MARCHF1: variants seen among roughly 807,000 people sequenced by gnomAD.
MARCHF1 encodes the protein E3 ubiquitin-protein ligase MARCHF1.
A neutral mutation model predicts 54.2 loss-of-function variants in MARCHF1; 40 were observed. The observed-to-expected ratio is 0.74, with a 90% CI of 0.57 to 0.96. The LOEUF is 0.96. Ranked by LOEUF, MARCHF1 falls within the 40% of genes least tolerant of loss-of-function variation. MARCHF1 has a pLI of 0.00. For missense variants in MARCHF1, 586 were observed against 656.5 expected (o/e 0.89, Z 1.17); for synonymous variants, 236 against 236.3 (o/e 1.00, Z 0.01).
chr4:163,639,231 ATTTC>A (rs1373453514), intron 5 of MARCHF1, among the ~76,000 whole-genome samples: 1 of 152,142 alleles, frequency 6.6e-6, no homozygotes, highest in African/African-American at 2.4e-5. Flanking sequence ...GATGAGATTT[ATTTC>A]TTTGAGTACA....
chr4:163,876,152 A>T (rs188162831), intron 3 of MARCHF1, among the ~76,000 whole-genome samples: 1 of 152,308 alleles, frequency 6.6e-6, no homozygotes, highest in East Asian at 1.9e-4. Flanking sequence ...TTTAAAATGT[A>T]GCCTTAACCG....
intron 2 of MARCHF1, among the ~76,000 whole-genome samples, chr4:164,070,745 G>A (rs146737735): frequency 0.012 from 1,873 of 152,244 alleles, 37 homozygotes; most frequent in African/African-American, 0.043. Flanking sequence ...GCAGAGTTAC[G>A]CAGTCTATTT....
At chr4:163,683,190 AAG>A (rs1418813215) in intron 5 of MARCHF1, among the ~76,000 whole-genome samples, 2 of 152,222 alleles carry the variant, frequency 1.3e-5, no homozygotes, top group Admixed American at 1.3e-4. Context: ...TTGCAAAAGA[AAG>A]AGGTTTAATG....
chr4:164,183,008 C>T (rs1730874340), intron 1 of MARCHF1, among the ~76,000 whole-genome samples: 1 of 152,002 alleles, frequency 6.6e-6, no homozygotes, highest in Admixed American at 6.6e-5. Context: ...AGACTATTAC[C>T]AATTTAGCCT....
intron 1 of MARCHF1, among the ~76,000 whole-genome samples, chr4:164,122,863 A>G (rs1360098502): frequency 6.6e-6 from 1 of 152,104 alleles, no homozygotes; most frequent in Non-Finnish European, 1.5e-5. Flanking sequence ...TTCCTCTAAC[A>G]TCTGGAACAC....
chr4:164,340,409 A>ATG lies in MARCHF1; in HGVS notation c.-323+43460_-323+43461insCA, dbSNP rs1177706594. Among the ~76,000 whole-genome samples the ATG allele has an allele frequency of 2.6e-5, 3 of 117,422 alleles. 1 individual carries two copies. Among genetic ancestry groups the ATG allele is most frequent in the Non-Finnish European group, 5.4e-5 (3 of 55,874 alleles). The allele number at this position is 117,422 out of a possible 152,430, so 77.0% of individuals were successfully genotyped here. A position where few individuals can be genotyped will look rare whatever the true frequency, so the allele number is the denominator to read the frequency against. ...CACATGCCACCAGGCCTTGATTTAT[A>ATG]TATAGATATATATATATATATATAT... On this transcript the variant is annotated intron_variant, in intron 1 of 9. Coordinates refer to ENST00000514618, the MANE Select transcript of MARCHF1 (RefSeq NM_001394959.1).
At chr4:164,288,808 G>T (rs1390703258) in intron 1 of MARCHF1, among the ~76,000 whole-genome samples, 2 of 152,144 alleles carry the variant, frequency 1.3e-5, no homozygotes, top group African/African-American at 2.4e-5. Flanking sequence ...AAATTCCGAG[G>T]TGAGAGTTTT....
chr4:163,705,553 G>A (rs1238994227), intron 4 of MARCHF1, among the ~76,000 whole-genome samples: 1 of 151,916 alleles, frequency 6.6e-6, no homozygotes, highest in Non-Finnish European at 1.5e-5. Context: ...TAATCCGTTA[G>A]ATTAATACAT....
intron 3 of MARCHF1, among the ~76,000 whole-genome samples, chr4:163,948,923 G>T (rs1752075859): frequency 6.6e-6 from 1 of 152,228 alleles, no homozygotes; most frequent in Non-Finnish European, 1.5e-5. Flanking sequence ...AGGGGATTGT[G>T]AATGGAGAAC....
chr4:163,556,502 C>CTTA (rs1451826125), intron 8 of MARCHF1, among the ~76,000 whole-genome samples: 1 of 151,746 alleles, frequency 6.6e-6, no homozygotes, highest in Non-Finnish European at 1.5e-5. Context: ...TATTTGCACT[C>CTTA]TTTAATAGCA....
At position 163,802,916 on chromosome 4, in the gene MARCHF1, C is replaced by T. The variant is rs564367515; in HGVS notation, c.111+51105G>A. ...TAATAGTGATTTAGAACTTTGCTTT[C>T]ACATCGCAGAAATGACTTCTGATGG... On this transcript the variant is annotated intron_variant, in intron 4 of 9. Coordinates refer to ENST00000514618, the MANE Select transcript of MARCHF1 (RefSeq NM_001394959.1). Among the ~76,000 whole-genome samples, 13 of 152,208 alleles carry T rather than the reference C, an allele frequency of 8.5e-5. No homozygotes were observed. The South Asian group carries it at 2.7e-3, about 32-fold the overall frequency.
intron 1 of MARCHF1, among the ~76,000 whole-genome samples, chr4:164,246,808 G>A (rs959309306): frequency 3.9e-5 from 5 of 127,994 alleles, no homozygotes; most frequent in Admixed American, 8.6e-5. Flanking sequence ...GACATGAACA[G>A]ACACTTCTCA....
intron 2 of MARCHF1, among the ~76,000 whole-genome samples, chr4:164,041,203 G>A (rs7668355): frequency 0.98 from 149,512 of 152,244 alleles, 73,474 homozygotes; most frequent in East Asian, 1. Flanking sequence ...TGGCATGAAC[G>A]AACAAAATAT....
intron 3 of MARCHF1, among the ~76,000 whole-genome samples, chr4:163,910,161 A>G (rs962377359): frequency 2.0e-5 from 3 of 152,190 alleles, no homozygotes; most frequent in African/African-American, 7.2e-5. Context: ...TATCTGAGTT[A>G]ATCCTTCCAA....
chr4:163,825,153 G>A lies in MARCHF1; in HGVS notation c.111+28868C>T, dbSNP rs979693385. Among the ~76,000 whole-genome samples the A allele has an allele frequency of 4.6e-5, 7 of 151,910 alleles. No individual in the cohort carries two copies. In the East Asian group the frequency reaches 1.2e-3, roughly 25 times the overall value. On this transcript the variant is annotated intron_variant, in intron 4 of 9. Transcript: ENST00000514618. ...CTCAGGGTCTGTTGCTCCTGTCTCTGTGTCCATATGTGATACACTTATAAG... is the reference window on the plus strand; with the variant it reads ...CTCAGGGTCTGTTGCTCCTGTCTCTATGTCCATATGTGATACACTTATAAG...
At chr4:163,910,199 C>G (rs1427224219) in intron 3 of MARCHF1, among the ~76,000 whole-genome samples, 1 of 152,048 alleles carries the variant, frequency 6.6e-6, no homozygotes, top group Non-Finnish European at 1.5e-5. Context: ...AAATTATATA[C>G]AAATATATAA....
chr4:163,764,697 G>A (rs1459326260), intron 4 of MARCHF1, among the ~76,000 whole-genome samples: 2 of 151,956 alleles, frequency 1.3e-5, no homozygotes, highest in Non-Finnish European at 1.5e-5. Context: ...AACCCAAGAG[G>A]GATGATAAGG....
chr4:163,776,900 A>G (rs1297486548), intron 4 of MARCHF1, among the ~76,000 whole-genome samples: 1 of 152,200 alleles, frequency 6.6e-6, no homozygotes, highest in African/African-American at 2.4e-5. Flanking sequence ...TTGTGAGAGT[A>G]TAGACAAACT....
At chr4:163,997,938 ACAC>A (rs1753110145) in intron 2 of MARCHF1, among the ~76,000 whole-genome samples, 4 of 147,878 alleles carry the variant, frequency 2.7e-5, no homozygotes, top group Non-Finnish European at 4.6e-5. Context: ...ACACACACAC[ACAC>A]ACACACACAC....
Sources: allele counts gnomAD v4.1 joint callset (sites outside exome capture counted in the v4.1 genomes callset), GRCh38; gene constraint gnomAD v4.1.1; transcripts MANE v1.5; gene names NCBI Gene and HGNC (gene_info 2026-07-23, HGNC 2026-07-21).